CBL: variants seen among roughly 807,000 people sequenced by gnomAD.
CBL encodes the protein E3 ubiquitin-protein ligase CBL.
CBL carries 45 observed loss-of-function variants against 96.9 expected under a neutral mutation model. The observed-to-expected ratio is 0.46, with a 90% confidence interval of 0.37 to 0.60. The LOEUF (loss-of-function observed/expected upper bound fraction) is 0.60. Ranked by LOEUF, CBL falls within the 20% of genes least tolerant of loss-of-function variation. The pLI, the probability that CBL is intolerant of heterozygous loss-of-function variation, is 0.00. For missense variants in CBL, 1,024 were observed against 1,143.5 expected (o/e 0.90, Z 1.51); for synonymous variants, 420 against 426.8 (o/e 0.98, Z 0.20).
intron 2 of CBL, among the ~76,000 whole-genome samples, chr11:119,267,731 A>G (rs1319412428): frequency 1.3e-5 from 2 of 152,220 alleles, no homozygotes; most frequent in African/African-American, 4.8e-5. Flanking sequence ...AGCCTAGCAC[A>G]TAGTAGGCAC....
chr11:119,215,699 C>T (rs1458819157), intron 1 of CBL, among the ~76,000 whole-genome samples: 2 of 148,602 alleles, frequency 1.3e-5, no homozygotes, highest in African/African-American at 2.5e-5. Flanking sequence ...TTGTGGCATG[C>T]GCCTGTAATC....
intron 1 of CBL, among the ~76,000 whole-genome samples, chr11:119,215,625 C>T (rs1949353943): frequency 1.3e-5 from 2 of 150,796 alleles, no homozygotes. Flanking sequence ...GAGCGGAGAT[C>T]ACGCCATTGC....
chr11:119,273,937 G>A lies in CBL; in HGVS notation c.660G>A (p.Glu220=), dbSNP rs949933368. ...HEVHPISSGL[E]AMALKSTIDL... is the part of the protein sequence containing the mutation. ...TGCATCCCATCAGTTCTGGGCTGGAGGCCATGGCTCTGAAATCCACTATTG... is the reference window on the plus strand; with the variant it reads ...TGCATCCCATCAGTTCTGGGCTGGAAGCCATGGCTCTGAAATCCACTATTG... Residue 220 remains glutamate (E), a synonymous_variant, in exon 4 of 16, where the codon GAG becomes GAA. Coordinates refer to ENST00000264033, the MANE Select transcript of CBL (RefSeq NM_005188.4). 6.2e-6 allele frequency: 10 copies of A among 1,613,856 alleles called. No individual in the cohort carries two copies. Among genetic ancestry groups the A allele is most frequent in the Non-Finnish European group, 8.5e-6 (10 of 1,179,862 alleles).
intron 1 of CBL, among the ~76,000 whole-genome samples, chr11:119,220,837 T>G (rs901639899): frequency 6.6e-6 from 1 of 152,132 alleles, no homozygotes; most frequent in Non-Finnish European, 1.5e-5. Context: ...AAATTGAGAA[T>G]AATAATTACA....
intron 2 of CBL, among the ~76,000 whole-genome samples, chr11:119,256,411 C>T (rs1188424055): frequency 1.3e-5 from 2 of 152,136 alleles, no homozygotes; most frequent in Admixed American, 1.3e-4. Flanking sequence ...GAACTCCTGA[C>T]CTCAGGTGAT....
intron 1 of CBL, among the ~76,000 whole-genome samples, chr11:119,220,120 C>T (rs546575388): frequency 2.6e-5 from 4 of 151,846 alleles, no homozygotes; most frequent in South Asian, 2.1e-4. Context: ...CCTCCCAAAG[C>T]GTAGGGATTA....
intron 3 of CBL, 82 bp from the exon 4 acceptor site, chr11:119,273,786 C>G: frequency 8.2e-7 from 1 of 1,223,066 alleles, no homozygotes; most frequent in Non-Finnish European, 1.2e-6. Flanking sequence ...TAATGTGGCT[C>G]TCCTTCCTTT....
chr11:119,299,473 T>C, intron 15 of CBL, 22 bp from the exon 16 acceptor site: 2 of 1,611,322 alleles, frequency 1.2e-6, no homozygotes, highest in Non-Finnish European at 1.7e-6. Flanking sequence ...TTTGCAAATA[T>C]TTTCTTTCCT....
At chr11:119,244,067 T>C (rs1019807424) in intron 2 of CBL, among the ~76,000 whole-genome samples, 2 of 152,174 alleles carry the variant, frequency 1.3e-5, no homozygotes, top group African/African-American at 2.4e-5. Flanking sequence ...ATGTGGTAAC[T>C]TCTTAGGTAA....
At chr11:119,238,448 G>A (rs1949561420) in intron 2 of CBL, among the ~76,000 whole-genome samples, 1 of 151,370 alleles carries the variant, frequency 6.6e-6, no homozygotes, top group South Asian at 2.1e-4. Context: ...GGCCTCATGT[G>A]ACCCGCCCGC....
intron 1 of CBL, among the ~76,000 whole-genome samples, chr11:119,219,376 CAAAA>C (rs112712991): frequency 8.0e-6 from 1 of 124,272 alleles, no homozygotes. Context: ...GACTCTGTCT[CAAAA>C]AAAAAAAAAA....
intron 2 of CBL, among the ~76,000 whole-genome samples, chr11:119,237,988 C>T (rs905358366): frequency 6.6e-6 from 1 of 151,840 alleles, no homozygotes; most frequent in African/African-American, 2.4e-5. Flanking sequence ...TCTCCTGCCT[C>T]AGCCTCCTGA....
At chr11:119,238,889 T>G (rs1217702907) in intron 2 of CBL, among the ~76,000 whole-genome samples, 4 of 152,206 alleles carry the variant, frequency 2.6e-5, no homozygotes, top group Non-Finnish European at 5.9e-5. Flanking sequence ...CCGATCATTT[T>G]GGGGATTACT....
intron 2 of CBL, among the ~76,000 whole-genome samples, chr11:119,243,150 C>T (rs530573262): frequency 3.7e-4 from 56 of 152,028 alleles, no homozygotes; most frequent in Middle Eastern, 6.8e-3. Context: ...TGGCAGTGCA[C>T]GCCTGTAATC....
At chr11:119,268,004 CAAAG>C (rs1045801448) in intron 2 of CBL, among the ~76,000 whole-genome samples, 11 of 152,196 alleles carry the variant, frequency 7.2e-5, no homozygotes, top group African/African-American at 2.6e-4. Context: ...GGCCGAGAAA[CAAAG>C]AAGAGAGGCA....
intron 12 of CBL, among the ~76,000 whole-genome samples, chr11:119,295,613 CCTACTGAGGA>C (rs1210895567): frequency 6.6e-6 from 1 of 152,030 alleles, no homozygotes; most frequent in African/African-American, 2.4e-5. Context: ...TCTAGTCCCA[CCTACTGAGGA>C]GGCTGAGTTG....
rs569724281 is a variant in CBL, at chr11:119,303,868, C to G, written c.*4087C>G. The G allele has an allele frequency of 4.3e-6, 1 of 233,710 alleles. No individual in the cohort carries two copies. The highest frequency in any genetic ancestry group is 1.8e-4 in the South Asian group (1 of 5,532). The allele number at this position is 233,710 out of a possible 1,614,324, so 14.5% of individuals were successfully genotyped here. The stretch of plus-strand genomic sequence containing the variant: ...TCCTGAGCTGCTACGTCCCTAATCC[C>G]CCTTGTTGGGAGGATTTTCGTATCA... On this transcript the variant is annotated 3_prime_UTR_variant, in exon 16 of 16. Coordinates refer to ENST00000264033, the MANE Select transcript of CBL (RefSeq NM_005188.4).
chr11:119,270,699 G>C (rs1949840605), intron 2 of CBL, among the ~76,000 whole-genome samples: 3 of 151,788 alleles, frequency 2.0e-5, no homozygotes, highest in South Asian at 4.2e-4. Flanking sequence ...GCCCGCCTCG[G>C]CCTCCCAAAG....
intron 2 of CBL, among the ~76,000 whole-genome samples, chr11:119,246,918 A>T (rs1240782464): frequency 2.0e-5 from 3 of 152,144 alleles, no homozygotes; most frequent in African/African-American, 7.2e-5. Flanking sequence ...GGTTATAGAG[A>T]TTTTTCCATA....
Sources: gnomAD v4.1 joint callset for allele counts (sites outside exome capture counted in the v4.1 genomes callset) on GRCh38, gnomAD v4.1.1 for gene constraint, MANE v1.5 for transcripts, NCBI Gene and HGNC (gene_info 2026-07-23, HGNC 2026-07-21) for gene names.